The following BTBD2 variants were observed in gnomAD, a reference collection of about 807,000 sequenced individuals.
The protein encoded by BTBD2 is BTB/POZ domain-containing protein 2.
A neutral mutation model predicts 44.0 loss-of-function variants in BTBD2; 15 were observed. The observed-to-expected ratio is 0.34, with a 90% CI of 0.23 to 0.53. The LOEUF is 0.53. Among genes scored for constraint, BTBD2 ranks in the 20% least tolerant of loss-of-function variants. BTBD2 has a pLI of 0.95. For synonymous variants in BTBD2, 443 were observed against 335.9 expected (o/e 1.32, Z -3.49); for missense variants, 657 against 746.4 (o/e 0.88, Z 1.39).
intron 1 of BTBD2, among the ~76,000 whole-genome samples, chr19:2,000,204 T>C (rs1599355599): frequency 1.3e-5 from 2 of 152,152 alleles, no homozygotes; most frequent in East Asian, 3.9e-4. Flanking sequence ...CCCCCCAGTG[T>C]GTGGGCATTG....
intron 1 of BTBD2, chr19:2,013,588 C>G: frequency 5.2e-5 from 51 of 987,116 alleles, no homozygotes; most frequent in Non-Finnish European, 5.8e-5. Context: ...AGTGGCGGAG[C>G]TGGAGGTGGG....
Position 1,990,262 on chromosome 19 carries a change from CAGTGAG to C in BTBD2, c.791-67_791-62del, listed in dbSNP as rs2016156027. On this transcript the variant is annotated intron_variant, in intron 4 of 8. Transcript: ENST00000255608. ...ACCCACATGCCCACCCTGCAGGAGG[CAGTGAG>C]ACTAACGTGAGGACCAGCAGTTAAA... 26 of 1,524,204 alleles carry C rather than the reference CAGTGAG, an allele frequency of 1.7e-5. No individual in the cohort carries two copies. In the East Asian group the frequency reaches 6.1e-4, roughly 36 times the overall value. 94.4% of individuals were successfully genotyped at this position (1,524,204 alleles called of 1,614,324 possible). A position where few individuals can be genotyped will look rare whatever the true frequency, so the allele number is the denominator to read the frequency against.
intron 2 of BTBD2, 25 bp from the exon 3 acceptor site, chr19:1,993,201 T>C: frequency 6.3e-7 from 1 of 1,580,744 alleles, no homozygotes; most frequent in Non-Finnish European, 8.5e-7. Context: ...CGGGTGGCCG[T>C]GAGGTGGGAC....
intron 1 of BTBD2, among the ~76,000 whole-genome samples, chr19:2,013,319 G>A (rs1283001069): frequency 2.6e-5 from 4 of 151,430 alleles, no homozygotes. Context: ...GGGAACCTGG[G>A]GCCTGGGGCC....
chr19:2,010,424 G>A (rs1011810417), intron 1 of BTBD2, among the ~76,000 whole-genome samples: 4 of 152,058 alleles, frequency 2.6e-5, no homozygotes, highest in African/African-American at 4.8e-5. Context: ...CACAAACGCC[G>A]ACCCCTGCGC....
chr19:2,008,916 A>G (rs1236838585), intron 1 of BTBD2, among the ~76,000 whole-genome samples: 1 of 152,134 alleles, frequency 6.6e-6, no homozygotes, highest in Non-Finnish European at 1.5e-5. Flanking sequence ...TTTGGTGAGC[A>G]GTTCTCAAAA....
intron 1 of BTBD2, among the ~76,000 whole-genome samples, chr19:2,003,971 GCAGA>G (rs1206097151): frequency 2.6e-5 from 4 of 151,706 alleles, no homozygotes; most frequent in African/African-American, 9.7e-5. Flanking sequence ...GAAATTCCTT[GCAGA>G]CAAAGGACAG....
At chr19:2,012,433 C>A (rs367901598) in intron 1 of BTBD2, among the ~76,000 whole-genome samples, 137 of 152,156 alleles carry the variant, frequency 9.0e-4, no homozygotes, top group Admixed American at 1.7e-3. Flanking sequence ...TCCAGGCGTG[C>A]GCCCCCGCAC....
chr19:2,001,135 T>G (rs1401620056), intron 1 of BTBD2, among the ~76,000 whole-genome samples: 1 of 151,422 alleles, frequency 6.6e-6, no homozygotes, highest in African/African-American at 2.4e-5. Flanking sequence ...AATACAAAAA[T>G]TAGCCAGGTG....
At chr19:1,989,977 C>T in intron 5 of BTBD2, 27 bp downstream of exon 5, 3 of 1,611,528 alleles carry the variant, frequency 1.9e-6, no homozygotes, top group Non-Finnish European at 2.5e-6. Flanking sequence ...CCCTCCCAAA[C>T]CAGCCCCTGA....
At chr19:2,009,461 G>C (rs907593181) in intron 1 of BTBD2, among the ~76,000 whole-genome samples, 3 of 151,388 alleles carry the variant, frequency 2.0e-5, no homozygotes, top group Admixed American at 1.3e-4. Context: ...GCCTCCCAAA[G>C]TGCTGGGATT....
intron 1 of BTBD2, among the ~76,000 whole-genome samples, chr19:2,000,967 C>G (rs529897922): frequency 5.3e-5 from 8 of 152,240 alleles, no homozygotes; most frequent in African/African-American, 1.9e-4. Context: ...TAGGAGGTCC[C>G]CAGAGTCCTC....
At chr19:2,007,590 C>T (rs955086871) in intron 1 of BTBD2, among the ~76,000 whole-genome samples, 10 of 152,144 alleles carry the variant, frequency 6.6e-5, no homozygotes, top group Non-Finnish European at 1.5e-4. Context: ...AATCCCAGTA[C>T]TTTGGGAGGC....
At chr19:1,987,721 G>A (rs989723516) in intron 5 of BTBD2, 29 bp from the exon 6 acceptor site, 3 of 1,556,042 alleles carry the variant, frequency 1.9e-6, no homozygotes, top group South Asian at 1.2e-5. Context: ...GTGGGGGAGG[G>A]CCGGGCTGCA....
At position 2,015,578 on chromosome 19, in the gene BTBD2, G is replaced by A. The variant is rs1276764952; in HGVS notation, c.126C>T (p.Ala42=). 1.2e-6 allele frequency: 1 copy of A among 821,222 alleles called. No homozygotes were observed. The highest frequency in any genetic ancestry group is 1.5e-6 in the Non-Finnish European group (1 of 689,522). 50.9% of individuals were successfully genotyped at this position (821,222 alleles called of 1,614,324 possible). Residue 42 remains alanine (A), a synonymous_variant, in exon 1 of 9, where the codon GCC becomes GCT. Transcript: ENST00000255608. The part of the protein sequence containing the change: ...AAATPAPGNA[A]AAAAAAAAAA... ...CGGCGGCGGCGGCGGCGGCGGCGGC[G>A]GCCGCGTTGCCGGGGGCCGGGGTGG...
chr19:1,997,599 G>A lies in BTBD2; in HGVS notation c.408-136C>T, dbSNP rs539068731. 1.9e-4 allele frequency: 248 copies of A among 1,305,262 alleles called. 1 individual carries two copies. The South Asian group carries it at 3.3e-3, about 17-fold the overall frequency. 80.9% of individuals were successfully genotyped at this position (1,305,262 alleles called of 1,614,324 possible). A position where few individuals can be genotyped will look rare whatever the true frequency, so the allele number is the denominator to read the frequency against. On this transcript the variant is annotated intron_variant, in intron 1 of 8. Coordinates refer to ENST00000255608, the MANE Select transcript of BTBD2 (RefSeq NM_017797.4). ...CCAGCAGGCATGTACCAGGCCCCCC[G>A]ATGGCAGAGGCTTCTGGAAGGGGCC...
At chr19:2,012,937 T>C (rs1321974193) in intron 1 of BTBD2, among the ~76,000 whole-genome samples, 1 of 151,814 alleles carries the variant, frequency 6.6e-6, no homozygotes, top group Non-Finnish European at 1.5e-5. Flanking sequence ...GCATCCAACC[T>C]ACCCCCTCCC....
Position 2,015,444 on chromosome 19 carries a change from G to GCCGCCGCCCCCGGGC in BTBD2, c.245_259dup (p.Gly82_Ala86dup). The GCCGCCGCCCCCGGGC allele has an allele frequency of 4.2e-6, 6 of 1,435,668 alleles. No homozygotes were observed. The highest frequency in any genetic ancestry group is 5.5e-6 in the Non-Finnish European group (6 of 1,094,458). 88.9% of individuals were successfully genotyped at this position (1,435,668 alleles called of 1,614,324 possible). On this transcript the variant is annotated inframe_insertion, in exon 1 of 9. Transcript: ENST00000255608. ...GTTGTACGCGGCCTCGCGCTGCAGC[G>GCCGCCGCCCCCGGGC]CCGCCGCCCCCGGGCCCGCCGCCTC...
At chr19:1,993,981 G>T in intron 2 of BTBD2, among the ~76,000 whole-genome samples, 1 of 100,998 alleles carries the variant, frequency 9.9e-6, no homozygotes. Context: ...TGGAGACAGA[G>T]CGAGAATCCG....
Sources: gnomAD v4.1 joint callset for allele counts (sites outside exome capture counted in the v4.1 genomes callset) on GRCh38, gnomAD v4.1.1 for gene constraint, MANE v1.5 for transcripts, NCBI Gene and HGNC (gene_info 2026-07-23, HGNC 2026-07-21) for gene names.